Variants in NAT1 observed in about 807,000 individuals in gnomAD.
The protein encoded by NAT1 is N-acetyltransferase 1.
For synonymous variants in NAT1, 144 were observed against 122.6 expected (o/e 1.17, Z -1.16); for missense variants, 400 against 339.2 (o/e 1.18, Z -1.41).
intron 2 of NAT1, among the ~76,000 whole-genome samples, chr8:18,188,627 G>T (rs527844982): frequency 1.3e-5 from 2 of 152,028 alleles, no homozygotes; most frequent in Non-Finnish European, 2.9e-5. Flanking sequence ...GTAAAAAATA[G>T]TGGCTTTTTT....
intron 1 of NAT1, among the ~76,000 whole-genome samples, chr8:18,218,450 GT>G (rs970319068): frequency 4.6e-5 from 7 of 152,094 alleles, no homozygotes; most frequent in African/African-American, 1.7e-4. Flanking sequence ...GAATTGTAAG[GT>G]ATAGGTTTGG....
In NAT1 at chr8:18,215,712, T is replaced by G. The variant is rs114658276; in HGVS notation, c.-85-3699T>G. On this transcript the variant is annotated intron_variant, in intron 1 of 2. Coordinates refer to ENST00000307719, the MANE Select transcript of NAT1 (RefSeq NM_000662.8). ...GTTATGTCTTTTCTTCTAATCCCAA[T>G]CTCACAGTATTTTGATTTTGTTAGT... is the stretch of plus-strand genomic sequence containing the variant. Among the ~76,000 whole-genome samples the G allele has an allele frequency of 2.6e-3, 394 of 152,324 alleles. 1 individual carries two copies. Among genetic ancestry groups the G allele is most frequent in the African/African-American group, 9.3e-3 (385 of 41,552 alleles).
At chr8:18,221,806 C>A (rs915489045) in intron 2 of NAT1, 3 of 393,194 alleles carry the variant, frequency 7.6e-6, no homozygotes, top group Non-Finnish European at 1.3e-5. Context: ...ATCATTTAAT[C>A]TTGATTTCCA....
intron 1 of NAT1, chr8:18,217,107 A>G (rs1319420973): frequency 1.4e-6 from 1 of 715,166 alleles, no homozygotes; most frequent in East Asian, 2.8e-5. Context: ...TTTATTTGTT[A>G]TATAACTGGT....
chr8:18,206,148 G>C (rs905309058), upstream of NAT1, among the ~76,000 whole-genome samples: 1 of 152,152 alleles, frequency 6.6e-6, no homozygotes, highest in Admixed American at 6.5e-5. Context: ...TCCTTCTGCT[G>C]GAGTTCCAGA....
intron 2 of NAT1, among the ~76,000 whole-genome samples, chr8:18,181,607 T>C: frequency 6.6e-6 from 1 of 152,150 alleles, no homozygotes; most frequent in East Asian, 1.9e-4. Flanking sequence ...ACTATTAATA[T>C]GTATAAAAGT....
chr8:18,209,096 T>C (rs1447788456), upstream of NAT1, among the ~76,000 whole-genome samples: 1 of 152,214 alleles, frequency 6.6e-6, no homozygotes, highest in Non-Finnish European at 1.5e-5. Context: ...TATACAAGCC[T>C]AAGGGTAATT....
At position 18,223,106 on chromosome 8, in the gene NAT1, T is replaced by A; in HGVS notation, c.*186T>A. 3.9e-6 allele frequency: 1 copy of A among 254,990 alleles called. No homozygotes were observed. Among genetic ancestry groups the A allele is most frequent in the Non-Finnish European group, 7.8e-6 (1 of 128,862 alleles). 15.8% of individuals were successfully genotyped at this position (254,990 alleles called of 1,614,324 possible). A position where few individuals can be genotyped will look rare whatever the true frequency, so the allele number is the denominator to read the frequency against. On this transcript the variant is annotated 3_prime_UTR_variant, in exon 3 of 3. Transcript: ENST00000307719. ...TTTTAAAGAAACATAACCACAAACC[T>A]TTTCAAATAATAATAATAATAATAA... is the stretch of plus-strand genomic sequence containing the variant.
intron 2 of NAT1, among the ~76,000 whole-genome samples, chr8:18,195,462 C>G (rs1259215831): frequency 7.1e-5 from 3 of 42,186 alleles, no homozygotes; most frequent in African/African-American, 5.1e-4. Flanking sequence ...CCCTTAACAC[C>G]TGTAATAGCT....
intron 2 of NAT1, among the ~76,000 whole-genome samples, chr8:18,182,367 C>T (rs1170077629): frequency 6.6e-6 from 1 of 152,058 alleles, no homozygotes; most frequent in Non-Finnish European, 1.5e-5. Flanking sequence ...ACTATTAGTG[C>T]ATTTTGTGTA....
chr8:18,202,380 T>G (rs184018861), intron 2 of NAT1, among the ~76,000 whole-genome samples: 25 of 152,332 alleles, frequency 1.6e-4, no homozygotes, highest in African/African-American at 5.5e-4. Context: ...GGGAAACTAT[T>G]TGAAAACTGT....
intron 2 of NAT1, among the ~76,000 whole-genome samples, chr8:18,182,460 A>G (rs1055046546): frequency 6.6e-6 from 1 of 152,082 alleles, no homozygotes; most frequent in Non-Finnish European, 1.5e-5. Context: ...TTTTACTTTT[A>G]GGTCTACAAT....
At chr8:18,216,686 G>C (rs2117382906) in intron 1 of NAT1, among the ~76,000 whole-genome samples, 1 of 152,290 alleles carries the variant, frequency 6.6e-6, no homozygotes, top group Middle Eastern at 3.4e-3. Context: ...CCTGGCAAGA[G>C]AGTGGCTGGA....
upstream of NAT1, among the ~76,000 whole-genome samples, chr8:18,209,236 C>G (rs1020401933): frequency 6.6e-6 from 1 of 152,224 alleles, no homozygotes; most frequent in African/African-American, 2.4e-5. Context: ...AGAAAGCCTT[C>G]GCATAGAGTC....
At chr8:18,187,084 A>G (rs113093810) in intron 2 of NAT1, among the ~76,000 whole-genome samples, 145 of 152,326 alleles carry the variant, frequency 9.5e-4, no homozygotes, top group African/African-American at 3.3e-3. Flanking sequence ...AGCTGGAATG[A>G]AGTGTTGTCT....
At chr8:18,191,634 C>A (rs533391013) in intron 2 of NAT1, among the ~76,000 whole-genome samples, 4 of 152,138 alleles carry the variant, frequency 2.6e-5, no homozygotes, top group Non-Finnish European at 5.9e-5. Flanking sequence ...GTACTGGTAC[C>A]AAAACAGAGA....
At chr8:18,199,945 A>G (rs1357357377) in intron 2 of NAT1, among the ~76,000 whole-genome samples, 1 of 152,242 alleles carries the variant, frequency 6.6e-6, no homozygotes, top group Non-Finnish European at 1.5e-5. Flanking sequence ...GAGAAGTACA[A>G]ATTAAAACCA....
upstream of NAT1, chr8:18,209,777 C>G (rs546258192): frequency 1.3e-5 from 2 of 152,288 alleles, no homozygotes; most frequent in East Asian, 1.9e-4. Context: ...TTTGCCTCCT[C>G]TAGGTTACCA....
In NAT1 at chr8:18,222,773, G is replaced by A. The variant is rs770264551; in HGVS notation, c.726G>A (p.Arg242=). 1.9e-6 allele frequency: 3 copies of A among 1,613,608 alleles called. No individual in the cohort carries two copies. The highest frequency in any genetic ancestry group is 2.5e-6 in the Non-Finnish European group (3 of 1,179,862). Residue 242 remains arginine (R), a synonymous_variant, in exon 3 of 3, where the codon AGG becomes AGA. Coordinates refer to ENST00000307719, the MANE Select transcript of NAT1 (RefSeq NM_000662.8). The part of the protein sequence containing the change: ...HCLVGFTLTH[R]RFNYKDNTDL... ...TGGTGGGCTTCACCCTCACCCATAG[G>A]AGATTCAATTATAAGGACAATACAG...
Sources: allele counts gnomAD v4.1 joint callset (sites outside exome capture counted in the v4.1 genomes callset), GRCh38; gene constraint gnomAD v4.1.1; transcripts MANE v1.5; gene names NCBI Gene and HGNC (gene_info 2026-07-23, HGNC 2026-07-21).